Variants in DCLK2 observed in about 807,000 individuals in gnomAD.
DCLK2 encodes the protein serine/threonine-protein kinase DCLK2.
In DCLK2, 31 loss-of-function variants were observed where a neutral mutation model predicts 78.4. The observed-to-expected ratio is 0.40, with a 90% CI of 0.30 to 0.53. DCLK2 has a LOEUF of 0.53. Ranked by LOEUF, DCLK2 falls within the 20% of genes least tolerant of loss-of-function variation. The pLI is 0.61. For missense variants in DCLK2, 872 were observed against 973.7 expected, an observed-to-expected ratio of 0.90 and a Z score of 1.39; for synonymous variants, 407 against 374.9, an observed-to-expected ratio of 1.09 and a Z score of -0.99.
At chr4:150,174,947 G>A (rs193013749) in intron 2 of DCLK2, among the ~76,000 whole-genome samples, 1,321 of 130,426 alleles carry the variant, frequency 0.01, 26 homozygotes, top group African/African-American at 0.037. Context: ...GCAGTGAGCC[G>A]AGATCACAAC....
rs3032859 is a variant in DCLK2, at chr4:150,190,051, A to AAAAAAAAAAAAAAAAAAAAAAAAC, written c.757-3087_757-3086insAAAAAAAAAAAAAAAAAAAAAAAC. 1.4e-5 allele frequency among the ~76,000 whole-genome samples: 2 copies of AAAAAAAAAAAAAAAAAAAAAAAAC among 141,764 alleles called. 1 individual carries two copies. The highest frequency in any genetic ancestry group is 3.1e-5 in the Non-Finnish European group (2 of 64,676). The allele number at this position is 141,764 out of a possible 152,430, so 93.0% of individuals were successfully genotyped here. On this transcript the variant is annotated intron_variant, in intron 2 of 15. Coordinates refer to ENST00000296550, the MANE Select transcript of DCLK2 (RefSeq NM_001040260.4). ...CCCTGTCTCAAAAAAAAAAAAAAAA[A>AAAAAAAAAAAAAAAAAAAAAAAAC]GGCCAAGTGTGGTGGCTGTGGTCCC...
At chr4:150,218,693 C>G (rs1740937427) in intron 5 of DCLK2, among the ~76,000 whole-genome samples, 1 of 152,198 alleles carries the variant, frequency 6.6e-6, no homozygotes, top group African/African-American at 2.4e-5. Context: ...CCTGACCCAG[C>G]TGCCTGTGGC....
intron 10 of DCLK2, among the ~76,000 whole-genome samples, chr4:150,234,236 A>G (rs1421917329): frequency 2.6e-5 from 4 of 152,180 alleles, no homozygotes; most frequent in Non-Finnish European, 5.9e-5. Flanking sequence ...ATCACTCTAG[A>G]CTTTCTAGAC....
intron 2 of DCLK2, among the ~76,000 whole-genome samples, chr4:150,127,295 C>A (rs936336395): frequency 6.6e-6 from 1 of 152,132 alleles, no homozygotes; most frequent in Non-Finnish European, 1.5e-5. Flanking sequence ...ATGGTTCTTG[C>A]CCACACCAGT....
chr4:150,253,504 A>G (rs1744336704), intron 15 of DCLK2: 1 of 1,289,534 alleles, frequency 7.8e-7, no homozygotes, highest in African/African-American at 1.5e-5. Flanking sequence ...GGCACCTCAG[A>G]GTTTCCTTCT....
At chr4:150,089,086 A>ATCTGAAAAAAAG (rs1729865532) in intron 1 of DCLK2, among the ~76,000 whole-genome samples, 1 of 152,174 alleles carries the variant, frequency 6.6e-6, no homozygotes, top group African/African-American at 2.4e-5. Context: ...ATATTCCAAA[A>ATCTGAAAAAAAG]TCTGAAATCT....
rs370681320 is a variant in DCLK2 at position 150,256,688 on chromosome 4, TCTC to T, written c.*442_*444del. The T allele has an allele frequency of 5.8e-4, 85 of 146,012 alleles. No individual in the cohort carries two copies. The highest frequency in any genetic ancestry group is 1.6e-3 in the South Asian group (7 of 4,338). 9.0% of individuals were successfully genotyped at this position (146,012 alleles called of 1,614,324 possible). On this transcript the variant is annotated 3_prime_UTR_variant, in exon 16 of 16. Transcript: ENST00000296550. Reference sequence around the variant, plus strand: ...CTTTCTTTTCTTTTCTCTCTCTCTCTCTCTTTTTTTTTTACGAAAGACTTAGAA... The same window carrying T: ...CTTTCTTTTCTTTTCTCTCTCTCTCTTTTTTTTTTTACGAAAGACTTAGAA...
chr4:150,155,586 T>C (rs1735214119), intron 2 of DCLK2, among the ~76,000 whole-genome samples: 1 of 152,200 alleles, frequency 6.6e-6, no homozygotes, highest in South Asian at 2.1e-4. Context: ...GGGAGTCCCC[T>C]CTGGAGGGTC....
At chr4:150,145,794 C>T (rs1734428850) in intron 2 of DCLK2, among the ~76,000 whole-genome samples, 1 of 152,168 alleles carries the variant, frequency 6.6e-6, no homozygotes, top group African/African-American at 2.4e-5. Context: ...GGAATGCCAG[C>T]TCCTGATCTT....
intron 8 of DCLK2, among the ~76,000 whole-genome samples, chr4:150,228,450 A>G (rs1741782063): frequency 6.6e-6 from 1 of 152,132 alleles, no homozygotes; most frequent in Non-Finnish European, 1.5e-5. Flanking sequence ...TCACGTGAAC[A>G]CTTTGGTACC....
intron 3 of DCLK2, among the ~76,000 whole-genome samples, chr4:150,196,564 T>G (rs1739046634): frequency 6.6e-6 from 1 of 152,110 alleles, no homozygotes; most frequent in Admixed American, 6.5e-5. Flanking sequence ...CTGCATAAAT[T>G]GAAGTATTTT....
At chr4:150,207,560 C>T (rs1306579603) in intron 5 of DCLK2, among the ~76,000 whole-genome samples, 1 of 152,176 alleles carries the variant, frequency 6.6e-6, no homozygotes, top group Non-Finnish European at 1.5e-5. Context: ...TCTTGGTACT[C>T]TTACGAGAAA....
chr4:150,177,162 CCTTTG>C (rs1737150842), intron 2 of DCLK2, among the ~76,000 whole-genome samples: 1 of 151,956 alleles, frequency 6.6e-6, no homozygotes, highest in Non-Finnish European at 1.5e-5. Context: ...GTTTTTCCTT[CCTTTG>C]CTTTGTTTTT....
At chr4:150,192,959 T>C (rs1311304895) in intron 2 of DCLK2, among the ~76,000 whole-genome samples, 179 bp from the exon 3 acceptor site, 1 of 152,184 alleles carries the variant, frequency 6.6e-6, no homozygotes. Context: ...TGTTCTGAGG[T>C]TGAGAGAATG....
In DCLK2 at chr4:150,102,510, T is replaced by G; in HGVS notation, c.454T>G (p.Phe152Val). 1 of 1,613,974 alleles carries G rather than the reference T, an allele frequency of 6.2e-7. No individual in the cohort carries two copies. Among genetic ancestry groups the G allele is most frequent in the East Asian group, 2.2e-5 (1 of 44,874 alleles). ...TTACGTGTGTGCATCCAATGAACCA[T>G]TTCGTAAAGTCGATTACACCAAAAA... ...ESYVCASNEPFRKVDYTKNIN... is the reference protein window; with the variant it reads ...ESYVCASNEPVRKVDYTKNIN... Residue 152 changes from phenylalanine (F) to valine (V), a missense_variant, in exon 2 of 16, where the codon TTT (phenylalanine) becomes GTT (valine). Transcript: ENST00000296550.
intron 2 of DCLK2, among the ~76,000 whole-genome samples, chr4:150,138,544 CA>C (rs910070559): frequency 8.6e-5 from 13 of 151,864 alleles, no homozygotes; most frequent in Non-Finnish European, 1.5e-4. Flanking sequence ...ATTATTGTGG[CA>C]AAAAAAATAT....
chr4:150,149,965 T>C (rs1377463692), intron 2 of DCLK2, among the ~76,000 whole-genome samples: 2 of 152,186 alleles, frequency 1.3e-5, no homozygotes, highest in Admixed American at 6.5e-5. Context: ...ATGAATGTCT[T>C]TTTGCTTTTT....
At chr4:150,091,521 G>C (rs1452362484) in intron 1 of DCLK2, among the ~76,000 whole-genome samples, 1 of 152,020 alleles carries the variant, frequency 6.6e-6, no homozygotes, top group Non-Finnish European at 1.5e-5. Context: ...TTCAGTGCTT[G>C]CTTCTACTCC....
At chr4:150,236,239 G>GTGATTGTT (rs1742496310) in intron 10 of DCLK2, among the ~76,000 whole-genome samples, 2 of 152,214 alleles carry the variant, frequency 1.3e-5, no homozygotes, top group Admixed American at 1.3e-4. Context: ...TCTCACAGTT[G>GTGATTGTT]TGATTGTTTA....
Sources: gnomAD v4.1 joint callset for allele counts (sites outside exome capture counted in the v4.1 genomes callset) on GRCh38, gnomAD v4.1.1 for gene constraint, MANE v1.5 for transcripts, NCBI Gene and HGNC (gene_info 2026-07-23, HGNC 2026-07-21) for gene names.